FLG2: variants seen among roughly 807,000 people sequenced by gnomAD.
FLG2 encodes filaggrin-2.
In FLG2, 7 loss-of-function variants were observed where a neutral mutation model predicts 3.9. The observed-to-expected ratio is 1.79, with a 90% CI of 1.02 to 3.36. The LOEUF is 3.36. Among genes scored for constraint, FLG2 ranks in the 30% most tolerant of loss-of-function variants. The pLI is 0.00. For synonymous variants in FLG2, 1,031 were observed against 1,056.1 expected (o/e 0.98, Z 0.46); for missense variants, 2,700 against 2,809.4 (o/e 0.96, Z 0.88).
In FLG2 at chr1:152,356,743, T is replaced by C. The variant is rs948028128; in HGVS notation, c.1043A>G (p.Gln348Arg). Residue 348 changes from glutamine to arginine, a missense_variant, in exon 3 of 3, where the codon CAG (glutamine) becomes CGG (arginine). Gln to Arg is a conservative substitution (Grantham distance 43). Transcript: ENST00000388718. ...CGQPESNPCS[Q>R]SYSQRGYGAR... ...TCCATATCCTCTCTGACTATAGGAC[T>C]GACTACAGGGGTTAGACTCAGGTTG... 1 of 1,614,046 alleles carries C rather than the reference T, an allele frequency of 6.2e-7. No homozygotes were observed. Among genetic ancestry groups the C allele is most frequent in the Non-Finnish European group, 8.5e-7 (1 of 1,180,034 alleles).
rs1021452517 is a variant in FLG2 at position 152,357,659 on chromosome 1, T to C, written c.139-12A>G. 1 of 1,599,982 alleles carries C rather than the reference T, an allele frequency of 6.3e-7. No homozygotes were observed. Among genetic ancestry groups the C allele is most frequent in the Non-Finnish European group, 8.5e-7 (1 of 1,171,700 alleles). ...GGATCATCTGGGTTCTGTATATGAG[T>C]GACACACCAAGGGAGACCTGGTCAG... On this transcript the variant is annotated splice_polypyrimidine_tract_variant and intron_variant, in intron 2 of 2. Transcript: ENST00000388718.
In FLG2 at chr1:152,353,486, A is replaced by G; in HGVS notation, c.4300T>C (p.Ser1434Pro). The G allele has an allele frequency of 6.2e-7, 1 of 1,612,612 alleles. No homozygotes were observed. The highest frequency in any genetic ancestry group is 8.5e-7 in the Non-Finnish European group (1 of 1,179,742). The change falls in exon 3 of 3, where the codon TCA becomes CCA. Residue 1434 changes from serine to proline, a missense_variant. Physicochemically the swap from Ser to Pro is moderately conservative, Grantham distance 74. Transcript: ENST00000388718. ...GATTGTGGTCTGTGTGAGCCCCCTG[A>G]GTGCACTTCACTGTCACTGGACTCA... ...HSESSDSEVH[S>P]GGSHRPQSQE...
rs753722672 is a variant in FLG2 at position 152,356,418 on chromosome 1, A to T, written c.1368T>A (p.His456Gln). The T allele has an allele frequency of 1.2e-6, 2 of 1,614,034 alleles. No homozygotes were observed. The highest frequency in any genetic ancestry group is 1.3e-5 in the African/African-American group (1 of 74,908). ...VCGSGQTCGQ[H>Q]ESTSSQSLGY... ...CCAAGGATTGACTTGATGTAGACTCATGCTGGCCACAAGTTTGACCTGAGC... is the reference window on the plus strand; with the variant it reads ...CCAAGGATTGACTTGATGTAGACTCTTGCTGGCCACAAGTTTGACCTGAGC... The change falls in exon 3 of 3, where the codon CAT (histidine) becomes CAA (glutamine). Residue 456 changes from histidine to glutamine, a missense_variant. By Grantham distance (24) the His-to-Gln change is conservative. Coordinates refer to ENST00000388718, the MANE Select transcript of FLG2 (RefSeq NM_001014342.3).
rs1393107263 is a variant in FLG2 at position 152,353,267 on chromosome 1, T to C, written c.4519A>G (p.Ser1507Gly). 1.3e-6 allele frequency: 2 copies of C among 1,568,466 alleles called. No individual in the cohort carries two copies. The highest frequency in any genetic ancestry group is 2.7e-5 in the African/African-American group (2 of 73,044). ...TGCGAGCCCCCTGAGTGCACTTCAC[T>C]GTCACTGGACTCACTGTGGCCAGAT... ...RGSGHSESSD[S>G]EVHSGGSHTH... The change falls in exon 3 of 3, where the codon AGT (serine) becomes GGT (glycine). Residue 1507 changes from serine (S) to glycine (G), a missense_variant. Ser to Gly is a moderately conservative substitution (Grantham distance 56). Transcript: ENST00000388718.
Position 152,351,053 on chromosome 1 carries a change from A to T in FLG2, c.6733T>A (p.Ser2245Thr), listed in dbSNP as rs779799523. Reference sequence around the variant, plus strand: ...GATCCCCTTCTTCCAGTTGTCCTGGACCCTCTCTGTGTGGATTGTCCATAA... The same window carrying T: ...GATCCCCTTCTTCCAGTTGTCCTGGTCCCTCTCTGTGTGGATTGTCCATAA... ...YGYGQSTQRG[S>T]RTTGRRGSGH... is the part of the protein sequence containing the mutation. Residue 2245 changes from serine (S) to threonine (T), a missense_variant, in exon 3 of 3, where the codon TCC becomes ACC. Ser to Thr is a moderately conservative substitution (Grantham distance 58). Transcript: ENST00000388718. 6.2e-7 allele frequency: 1 copy of T among 1,611,248 alleles called. No individual in the cohort carries two copies. Among genetic ancestry groups the T allele is most frequent in the South Asian group, 1.1e-5 (1 of 90,936 alleles).
In FLG2 at chr1:152,352,144, C is replaced by T. The variant is rs373130043; in HGVS notation, c.5642G>A (p.Ser1881Asn). 7.9e-5 allele frequency: 127 copies of T among 1,613,686 alleles called. 1 individual carries two copies. Among genetic ancestry groups the T allele is most frequent in the Middle Eastern group, 3.3e-4 (2 of 6,084 alleles). Residue 1881 changes from serine to asparagine, a missense_variant, in exon 3 of 3, where the codon AGT becomes AAT. Transcript: ENST00000388718. ...GTGCACTTCACTGTCACTGGACTCA[C>T]TGTGGCCAGATCTCCTTCTTCCAGT... ...STTGRRRSGH[S>N]ESSDSEVHSG... is the part of the protein sequence containing the mutation.
At position 152,356,287 on chromosome 1, in the gene FLG2, C is replaced by A. The variant is rs777574543; in HGVS notation, c.1499G>T (p.Gly500Val). 8 of 1,614,176 alleles carry A rather than the reference C, an allele frequency of 5.0e-6. No individual in the cohort carries two copies. The highest frequency in any genetic ancestry group is 6.8e-6 in the Non-Finnish European group (8 of 1,180,026). The change falls in exon 3 of 3, where the codon GGT becomes GTT. Residue 500 changes from glycine to valine, a missense_variant. Physicochemically the swap from Gly to Val is moderately radical, Grantham distance 109. Transcript: ENST00000388718. ...SGFGQCGSGS[G>V]QSSGFGQHGS... ...ATGCTGTCCAAAGCCAGAGGACTGA[C>A]CTGAGCCTGACCCACATTGTCCAAA...
chr1:152,358,949 CCTTTT>C, intron 1 of FLG2, 43 bp from the exon 2 acceptor site: 1 of 1,494,868 alleles, frequency 6.7e-7, no homozygotes, highest in African/African-American at 1.4e-5. Context: ...CATATTCTCT[CCTTTT>C]ATCAGCAATT....
At position 152,354,869 on chromosome 1, in the gene FLG2, C is replaced by T. The variant is rs142846069; in HGVS notation, c.2917G>A (p.Gly973Ser). 14 of 1,613,884 alleles carry T rather than the reference C, an allele frequency of 8.7e-6. No individual in the cohort carries two copies. Among genetic ancestry groups the T allele is most frequent in the Non-Finnish European group, 1.2e-5 (14 of 1,179,976 alleles). Residue 973 changes from glycine (G) to serine (S), a missense_variant, in exon 3 of 3, where the codon GGC becomes AGC. Coordinates refer to ENST00000388718, the MANE Select transcript of FLG2 (RefSeq NM_001014342.3). Reference sequence around the variant, plus strand: ...GAGCCTGACTCATGTTGTCCAAAGCCAGAGGACTGACCTGAGCCTGATCCA... The same window carrying T: ...GAGCCTGACTCATGTTGTCCAAAGCTAGAGGACTGACCTGAGCCTGATCCA... Reference protein sequence around the residue: ...QHGSGSGQSSGFGQHESGSGK... With the variant: ...QHGSGSGQSSSFGQHESGSGK...
Position 152,357,559 on chromosome 1 carries a change from A to C in FLG2, c.227T>G (p.Leu76Trp). ...GGCCATAGTCAGCTTGAATATCATC[A>C]AAAGAAACTCAGTAAAGTCCAATCT... ...DRRLDFTEFL[L>W]MIFKLTMACN... The change falls in exon 3 of 3, where the codon TTG becomes TGG. Residue 76 changes from leucine (L) to tryptophan (W), a missense_variant. Transcript: ENST00000388718. 1 of 1,614,038 alleles carries C rather than the reference A, an allele frequency of 6.2e-7. No homozygotes were observed.
In FLG2 at chr1:152,352,705, G is replaced by T. The variant is rs779816742; in HGVS notation, c.5081C>A (p.Thr1694Asn). ...SESIVPERHG[T>N]THGQTGDTTR... ...GGTATCTCCTGTCTGTCCATGAGTA[G>T]TTCCATGTCTCTCAGGAACTATGGA... Residue 1694 changes from threonine (T) to asparagine (N), a missense_variant, in exon 3 of 3, where the codon ACT (threonine) becomes AAT (asparagine). Thr to Asn is a moderately conservative substitution (Grantham distance 65, BLOSUM62 0). Transcript: ENST00000388718. 70 of 1,613,022 alleles carry T rather than the reference G, an allele frequency of 4.3e-5. 1 individual carries two copies. Among genetic ancestry groups the T allele is most frequent in the Non-Finnish European group, 5.7e-5 (67 of 1,179,764 alleles).
chr1:152,357,563 G>A lies in FLG2; in HGVS notation c.223C>T (p.Leu75Phe). 1 of 1,613,980 alleles carries A rather than the reference G, an allele frequency of 6.2e-7. No individual in the cohort carries two copies. The highest frequency in any genetic ancestry group is 8.5e-7 in the Non-Finnish European group (1 of 1,180,008). ...HDRRLDFTEFLLMIFKLTMAC... is the reference protein window; with the variant it reads ...HDRRLDFTEFFLMIFKLTMAC... ...ATAGTCAGCTTGAATATCATCAAAA[G>A]AAACTCAGTAAAGTCCAATCTTCTG... The change falls in exon 3 of 3, where the codon CTT becomes TTT. Residue 75 changes from leucine to phenylalanine, a missense_variant. Transcript: ENST00000388718.
At position 152,356,406 on chromosome 1, in the gene FLG2, T is replaced by C; in HGVS notation, c.1380A>G (p.Ser460=). ...GQTCGQHEST[S]SQSLGYDQHG... ...GCTGGTCATAGCCCAAGGATTGACT[T>C]GATGTAGACTCATGCTGGCCACAAG... Residue 460 remains serine, a synonymous_variant, in exon 3 of 3, where the codon TCA becomes TCG. Coordinates refer to ENST00000388718, the MANE Select transcript of FLG2 (RefSeq NM_001014342.3). The C allele has an allele frequency of 1.2e-6, 2 of 1,614,170 alleles. No homozygotes were observed. Among genetic ancestry groups the C allele is most frequent in the Non-Finnish European group, 1.7e-6 (2 of 1,180,018 alleles).
chr1:152,354,709 C>G lies in FLG2; in HGVS notation c.3077G>C (p.Gly1026Ala). ...GSSSGQTTGF[G>A]QHRSSSGQYS... ...TTGGCCTGAGCTTGACCTGTGTTGT[C>G]CAAAGCCAGTTGTCTGTCCTGAACT... Residue 1026 changes from glycine to alanine, a missense_variant, in exon 3 of 3, where the codon GGA (glycine) becomes GCA (alanine). Transcript: ENST00000388718. The G allele has an allele frequency of 6.2e-7, 1 of 1,613,796 alleles. No individual in the cohort carries two copies. The highest frequency in any genetic ancestry group is 8.5e-7 in the Non-Finnish European group (1 of 1,179,978).
rs2101681879 is a variant in FLG2, at chr1:152,357,131, A to G, written c.655T>C (p.Ser219Pro). Reference sequence around the variant, plus strand: ...GATCCAGATTCATACTCCTCCCCAGATTCCCTAGAAGGGCTAATGTGTGAC... The same window carrying G: ...GATCCAGATTCATACTCCTCCCCAGGTTCCCTAGAAGGGCTAATGTGTGAC... ...NKSHISPSRE[S>P]GEEYESGSGS... The change falls in exon 3 of 3, where the codon TCT becomes CCT. Residue 219 changes from serine (S) to proline (P), a missense_variant. By Grantham distance (74) the Ser-to-Pro change is moderately conservative. Transcript: ENST00000388718. 4 of 1,614,098 alleles carry G rather than the reference A, an allele frequency of 2.5e-6. No individual in the cohort carries two copies. The highest frequency in any genetic ancestry group is 2.2e-5 in the East Asian group (1 of 44,878).
chr1:152,354,471 G>T lies in FLG2; in HGVS notation c.3315C>A (p.His1105Gln). The stretch of plus-strand genomic sequence containing the variant: ...CAGAGGACTGACCTGAGCCTGGCCT[G>T]TGTTGTCCAAATCCAGATGTCTGTC... The part of the protein sequence containing the change: ...NSGQTSGFGQ[H>Q]RPGSGQSSGF... Residue 1105 changes from histidine (H) to glutamine (Q), a missense_variant, in exon 3 of 3, where the codon CAC (histidine) becomes CAA (glutamine). Transcript: ENST00000388718. 6.2e-7 allele frequency: 1 copy of T among 1,613,630 alleles called. No individual in the cohort carries two copies. The highest frequency in any genetic ancestry group is 8.5e-7 in the Non-Finnish European group (1 of 1,179,902).
Position 152,354,268 on chromosome 1 carries a change from G to A in FLG2, c.3518C>T (p.Ser1173Leu), listed in dbSNP as rs543118474. Reference protein sequence around the residue: ...SSGCGQHESGSGPTTSFGQHV... With the variant: ...SSGCGQHESGLGPTTSFGQHV... Reference sequence around the variant, plus strand: ...CTGTCCAAAACTTGTGGTTGGACCTGAGCCAGACTCATGTTGGCCACAGCC... The same window carrying A: ...CTGTCCAAAACTTGTGGTTGGACCTAAGCCAGACTCATGTTGGCCACAGCC... The change falls in exon 3 of 3, where the codon TCA becomes TTA. Residue 1173 changes from serine to leucine, a missense_variant. Transcript: ENST00000388718. 1 of 1,613,994 alleles carries A rather than the reference G, an allele frequency of 6.2e-7. No individual in the cohort carries two copies. The highest frequency in any genetic ancestry group is 1.1e-5 in the South Asian group (1 of 91,064).
At position 152,356,876 on chromosome 1, in the gene FLG2, C is replaced by A; in HGVS notation, c.910G>T (p.Gly304Ter). 6.2e-7 allele frequency: 1 copy of A among 1,614,196 alleles called. No homozygotes were observed. Among genetic ancestry groups the A allele is most frequent in the Non-Finnish European group, 8.5e-7 (1 of 1,180,040 alleles). The change falls in exon 3 of 3, where the codon GGA (glycine) becomes TGA (stop). Residue 304 changes from glycine (G) to a stop codon, truncating the protein, a stop_gained. Transcript: ENST00000388718. LOFTEE classifies it low-confidence loss of function (END_TRUNC). Reference protein sequence around the residue: ...ASSSCQSHRFGGQGNQFSYIQ... With the variant: ...ASSSCQSHRF ...TAGCTAAATTGATTTCCTTGCCCTC[C>A]AAATCTATGTGACTGACAAGAACTT...
Position 152,358,794 on chromosome 1 carries a change from C to T in FLG2, c.91G>A (p.Gly31Ser). 6.2e-7 allele frequency: 1 copy of T among 1,613,990 alleles called. No homozygotes were observed. The highest frequency in any genetic ancestry group is 8.5e-7 in the Non-Finnish European group (1 of 1,179,924). Residue 31 changes from glycine to serine, a missense_variant, in exon 2 of 3, where the codon GGT becomes AGT. Coordinates refer to ENST00000388718, the MANE Select transcript of FLG2 (RefSeq NM_001014342.3). Reference protein sequence around the residue: ...QDGECGTLSKGELKELLEKEL... With the variant: ...QDGECGTLSKSELKELLEKEL... Reference sequence around the variant, plus strand: ...TTCTCCAGAAGTTCCTTTAGTTCACCCTTGCTCAGTGTGCCACACTCCCCA... The same window carrying T: ...TTCTCCAGAAGTTCCTTTAGTTCACTCTTGCTCAGTGTGCCACACTCCCCA...
Sources: allele counts gnomAD v4.1 joint callset, GRCh38; gene constraint gnomAD v4.1.1; transcripts MANE v1.5; gene names NCBI Gene and HGNC (gene_info 2026-07-23, HGNC 2026-07-21).